The following RREB1 variants were observed in gnomAD, a reference collection of about 807,000 sequenced individuals.
The protein encoded by RREB1 is ras-responsive element-binding protein 1.
RREB1 carries 27 observed loss-of-function variants against 117.8 expected under a neutral mutation model. That is an observed-to-expected ratio of 0.23 (90% CI 0.17 to 0.32). RREB1 has a LOEUF of 0.32. Among genes scored for constraint, RREB1 ranks in the 10% least tolerant of loss-of-function variants. The pLI is 1.00. For synonymous variants in RREB1, 1,298 were observed against 1,026.7 expected (o/e 1.26, Z -5.05); for missense variants, 2,577 against 2,378.2 (o/e 1.08, Z -1.74).
chr6:7,249,796 TTAA>T lies in RREB1; in HGVS notation c.*831_*833del, dbSNP rs891893890. ...CTCTTCCCTTTCAGTATATGTATTA[TTAA>T]TATTATTATTATTATTATTATTATT... is the stretch of plus-strand genomic sequence containing the variant. On this transcript the variant is annotated 3_prime_UTR_variant, in exon 13 of 13. Transcript: ENST00000379938. 1.3e-5 allele frequency: 2 copies of T among 150,546 alleles called. No homozygotes were observed. Among genetic ancestry groups the T allele is most frequent in the African/African-American group, 5.0e-5 (2 of 40,376 alleles). 9.3% of individuals were successfully genotyped at this position (150,546 alleles called of 1,614,324 possible). A position where few individuals can be genotyped will look rare whatever the true frequency, so the allele number is the denominator to read the frequency against.
intron 1 of RREB1, among the ~76,000 whole-genome samples, chr6:7,141,868 C>T (rs529940882): frequency 6.6e-6 from 1 of 152,348 alleles, no homozygotes; most frequent in African/African-American, 2.4e-5. Context: ...GCCCTTTCCG[C>T]AGAGGGCTGG....
intron 7 of RREB1, 79 bp from the exon 8 acceptor site, chr6:7,211,486 AAATCTCTG>A (rs1766601555): frequency 1.6e-6 from 2 of 1,223,472 alleles, no homozygotes; most frequent in African/African-American, 3.0e-5. Flanking sequence ...TTATTATTGT[AAATCTCTG>A]AATTTAGCAT....
chr6:7,153,413 TACACACACACACAC>T (rs57110705), intron 1 of RREB1, among the ~76,000 whole-genome samples: 1 of 145,724 alleles, frequency 6.9e-6, no homozygotes, highest in African/African-American at 2.6e-5. Flanking sequence ...AGTAGTGGTA[TACACACACACACAC>T]ACACACACAC....
chr6:7,218,428 C>CT (rs1427407449), intron 8 of RREB1: 2 of 147,358 alleles, frequency 1.4e-5, no homozygotes, highest in African/African-American at 5.3e-5. Flanking sequence ...TAAAATACTA[C>CT]TGTTAGTGAG....
intron 6 of RREB1, among the ~76,000 whole-genome samples, chr6:7,199,660 T>C (rs2113585234): frequency 6.6e-6 from 1 of 152,092 alleles, no homozygotes; most frequent in Admixed American, 6.5e-5. Flanking sequence ...TGTGATTTTT[T>C]TGTTTTGTTT....
chr6:7,251,716 C>G lies in RREB1; in HGVS notation c.*2748C>G, dbSNP rs1428024000. 1 of 152,026 alleles carries G rather than the reference C, an allele frequency of 6.6e-6. No homozygotes were observed. The highest frequency in any genetic ancestry group is 2.4e-5 in the African/African-American group (1 of 41,386). 9.4% of individuals were successfully genotyped at this position (152,026 alleles called of 1,614,324 possible). ...CTCTTTCTTCAAGAAGGAAATTGATCCTAGTGATTTCAGCCCATGCATTAA... is the reference window on the plus strand; with the variant it reads ...CTCTTTCTTCAAGAAGGAAATTGATGCTAGTGATTTCAGCCCATGCATTAA... On this transcript the variant is annotated 3_prime_UTR_variant, in exon 13 of 13. Coordinates refer to ENST00000379938, the MANE Select transcript of RREB1 (RefSeq NM_001003699.4).
At chr6:7,203,904 A>G (rs1362938132) in intron 6 of RREB1, among the ~76,000 whole-genome samples, 4 of 152,120 alleles carry the variant, frequency 2.6e-5, no homozygotes, top group Non-Finnish European at 5.9e-5. Flanking sequence ...GCAAAGCTTG[A>G]CTTTGTCATG....
chr6:7,158,417 C>T (rs1178115574), intron 1 of RREB1, among the ~76,000 whole-genome samples: 1 of 152,134 alleles, frequency 6.6e-6, no homozygotes, highest in African/African-American at 2.4e-5. Context: ...CCCCTACTGC[C>T]CCAGACCCAA....
intron 11 of RREB1, among the ~76,000 whole-genome samples, chr6:7,242,036 G>A (rs561151259): frequency 1.3e-5 from 2 of 152,338 alleles, no homozygotes; most frequent in South Asian, 4.1e-4. Flanking sequence ...CACATTACCT[G>A]TTAGTCTGGA....
chr6:7,189,254 C>T lies in RREB1; in HGVS notation c.357C>T (p.His119=). 1 of 1,610,594 alleles carries T rather than the reference C, an allele frequency of 6.2e-7. No homozygotes were observed. The highest frequency in any genetic ancestry group is 8.5e-7 in the Non-Finnish European group (1 of 1,178,226). Residue 119 remains histidine, a synonymous_variant, in exon 6 of 13, where the codon CAC becomes CAT. Transcript: ENST00000379938. ...ASSLDRHMLV[H]SGERPYKCTV... is the part of the protein sequence containing the mutation. ...CCCTCGATCGCCACATGCTGGTGCA[C>T]TCTGGCGAGAGGCCTTACAAGTGCA...
In RREB1 at chr6:7,196,218, GTT is replaced by G. The variant is rs58448175; in HGVS notation, c.425+6907_425+6908del. ...TCGTTGTTTTTTGGTTTTTTTTTTC[GTT>G]TTTTTTTTTTGTTTTTTTTTTTTTT... is the stretch of plus-strand genomic sequence containing the variant. On this transcript the variant is annotated intron_variant, in intron 6 of 12. Transcript: ENST00000379938. Among the ~76,000 whole-genome samples, 762 of 121,466 alleles carry G rather than the reference GTT, an allele frequency of 6.3e-3. 10 individuals are homozygous for G. The highest frequency in any genetic ancestry group is 0.023 in the African/African-American group (697 of 30,874). The allele number at this position is 121,466 out of a possible 152,430, so 79.7% of individuals were successfully genotyped here. A position where few individuals can be genotyped will look rare whatever the true frequency, so the allele number is the denominator to read the frequency against.
intron 4 of RREB1, among the ~76,000 whole-genome samples, chr6:7,185,694 C>T (rs1051640260): frequency 1.3e-5 from 2 of 152,136 alleles, no homozygotes; most frequent in Non-Finnish European, 2.9e-5. Flanking sequence ...TGGTTTATGG[C>T]GCCATTTGCT....
intron 8 of RREB1, among the ~76,000 whole-genome samples, chr6:7,221,733 C>T (rs951724339): frequency 4.6e-5 from 7 of 152,154 alleles, no homozygotes; most frequent in East Asian, 1.9e-4. Context: ...TGGGATGAGG[C>T]AGAAGACTGG....
Position 7,248,918 on chromosome 6 carries a change from C to A in RREB1, c.5179C>A (p.Pro1727Thr). The A allele has an allele frequency of 6.5e-7, 1 of 1,532,700 alleles. No individual in the cohort carries two copies. The highest frequency in any genetic ancestry group is 2.0e-5 in the Admixed American group (1 of 49,558). The allele number at this position is 1,532,700 out of a possible 1,614,324, so 94.9% of individuals were successfully genotyped here. ...GCCGCGCAGCAAGAGGCCTGCCCACCCAATCCTGGCCACAGCTGATGGCGC... is the reference window on the plus strand; with the variant it reads ...GCCGCGCAGCAAGAGGCCTGCCCACACAATCCTGGCCACAGCTGATGGCGC... ...LEPRSKRPAH[P>T]ILATADGASQ... The change falls in exon 13 of 13, where the codon CCA (proline) becomes ACA (threonine). Residue 1727 changes from proline (P) to threonine (T), a missense_variant. Pro to Thr is a conservative substitution (Grantham distance 38, BLOSUM62 -1). Transcript: ENST00000379938.
At chr6:7,121,705 T>G (rs1192975587) in intron 1 of RREB1, among the ~76,000 whole-genome samples, 1 of 152,110 alleles carries the variant, frequency 6.6e-6, no homozygotes, top group Non-Finnish European at 1.5e-5. Context: ...CCTCTGGTGA[T>G]GGCTGACTTG....
intron 1 of RREB1, among the ~76,000 whole-genome samples, chr6:7,126,087 C>T (rs139730024): frequency 3.0e-3 from 458 of 152,202 alleles, no homozygotes; most frequent in African/African-American, 9.7e-3. Context: ...CTGCAACCTC[C>T]GCCTCCCGGG....
chr6:7,248,641 G>C lies in RREB1; in HGVS notation c.4902G>C (p.Glu1634Asp). The change falls in exon 13 of 13, where the codon GAG becomes GAC. Residue 1634 changes from glutamate (E) to aspartate (D), a missense_variant. Physicochemically the swap from Glu to Asp is conservative, Grantham distance 45. Transcript: ENST00000379938. ...ACGGGAAGGACAGCGACAAGGAAGA[G>C]CGGGGTGAGGAGGACAGCGAGAATG... ...KHHGKDSDKE[E>D]RGEEDSENES... 2 of 1,614,268 alleles carry C rather than the reference G, an allele frequency of 1.2e-6. No individual in the cohort carries two copies. Among genetic ancestry groups the C allele is most frequent in the Non-Finnish European group, 1.7e-6 (2 of 1,180,052 alleles).
intron 9 of RREB1, among the ~76,000 whole-genome samples, chr6:7,227,895 G>A (rs1007214133): frequency 6.6e-5 from 10 of 152,180 alleles, no homozygotes; most frequent in Non-Finnish European, 1.2e-4. Flanking sequence ...GTGAAACCCC[G>A]TCTCTACTAA....
chr6:7,174,267 T>G (rs1764390634), intron 1 of RREB1, among the ~76,000 whole-genome samples: 1 of 151,464 alleles, frequency 6.6e-6, no homozygotes, highest in East Asian at 2.0e-4. Flanking sequence ...CCCTCAGGCC[T>G]AATAGAACCC....
Sources: gnomAD v4.1 joint callset for allele counts (sites outside exome capture counted in the v4.1 genomes callset) on GRCh38, gnomAD v4.1.1 for gene constraint, MANE v1.5 for transcripts, NCBI Gene and HGNC (gene_info 2026-07-23, HGNC 2026-07-21) for gene names.